The following GRIK2 variants were observed in gnomAD, a reference collection of about 807,000 sequenced individuals.
GRIK2 encodes the protein glutamate receptor ionotropic, kainate 2.
In GRIK2, 32 loss-of-function variants were observed where a neutral mutation model predicts 100.3. The ratio of observed to expected loss-of-function variants is 0.32; its 90% CI spans 0.24 to 0.43. GRIK2 has a LOEUF of 0.43. GRIK2 is among the 20% of genes least tolerant of loss of function. The pLI, the probability that GRIK2 is intolerant of heterozygous loss-of-function variation, is 1.00. For synonymous variants in GRIK2, 417 were observed against 389.4 expected (o/e 1.07, Z -0.83); for missense variants, 843 against 1,114.9 (o/e 0.76, Z 3.47).
At chr6:101,463,685 C>G (rs1407324163) in intron 2 of GRIK2, among the ~76,000 whole-genome samples, 1 of 152,066 alleles carries the variant, frequency 6.6e-6, no homozygotes, top group Non-Finnish European at 1.5e-5. Flanking sequence ...AAGACGTTGC[C>G]TCTATCCAAG....
chr6:101,952,560 A>T (rs1270685838), intron 14 of GRIK2, among the ~76,000 whole-genome samples: 2 of 152,162 alleles, frequency 1.3e-5, no homozygotes, highest in Admixed American at 6.5e-5. Flanking sequence ...TAAAGTAAAA[A>T]GTTCAAGAAT....
At chr6:101,774,733 T>A (rs1288884195) in intron 7 of GRIK2, among the ~76,000 whole-genome samples, 1 of 152,200 alleles carries the variant, frequency 6.6e-6, no homozygotes, top group East Asian at 1.9e-4. Flanking sequence ...AGAGTTTCTG[T>A]ACATGATGTT....
At chr6:101,453,347 T>G (rs940604889) in intron 2 of GRIK2, among the ~76,000 whole-genome samples, 1 of 151,978 alleles carries the variant, frequency 6.6e-6, no homozygotes, top group Non-Finnish European at 1.5e-5. Context: ...GCCTATATTA[T>G]CTGCTTTCTT....
chr6:101,436,442 A>G (rs1368922754), intron 2 of GRIK2, among the ~76,000 whole-genome samples: 3 of 152,048 alleles, frequency 2.0e-5, no homozygotes, highest in Non-Finnish European at 4.4e-5. Context: ...GTACTGAGAC[A>G]TTTAGCATTT....
At chr6:101,927,973 A>G (rs1401872582) in intron 13 of GRIK2, 3 of 162,876 alleles carry the variant, frequency 1.8e-5, no homozygotes, top group African/African-American at 7.2e-5. Flanking sequence ...CTACATGCAC[A>G]TGAAAAGTGA....
rs2128471654 is a variant in GRIK2 at position 101,928,593 on chromosome 6, T to C, written c.2046T>C (p.Tyr682=). 1 of 1,603,524 alleles carries C rather than the reference T, an allele frequency of 6.2e-7. No individual in the cohort carries two copies. Among genetic ancestry groups the C allele is most frequent in the East Asian group, 2.2e-5 (1 of 44,788 alleles). The change falls in exon 14 of 17, where the codon TAT becomes TAC. Residue 682 remains tyrosine, a synonymous_variant. Coordinates refer to ENST00000369134, the MANE Select transcript of GRIK2 (RefSeq NM_021956.5). ...TAGCTAAACAAACCAAGATAGAATA[T>C]GGAGCAGTAGAGGATGGTGCAACCA... ...DDLAKQTKIE[Y]GAVEDGATMT...
chr6:102,067,491 C>A (rs1035554020), intron 16 of GRIK2, among the ~76,000 whole-genome samples: 23 of 151,608 alleles, frequency 1.5e-4, no homozygotes, highest in Admixed American at 9.2e-4. Flanking sequence ...GTATCTCAAT[C>A]AGTTGGGGAG....
rs184134987 is a variant in GRIK2 at position 101,396,061 on chromosome 6, T to C, written c.-294+2224T>C. Among the ~76,000 whole-genome samples, 252 of 152,276 alleles carry C rather than the reference T, an allele frequency of 1.7e-3. 1 individual carries two copies. The highest frequency in any genetic ancestry group is 5.7e-3 in the African/African-American group (235 of 41,568). Reference sequence around the variant, plus strand: ...GAACTGACACAATTTTTAAAAGGGTTAAATCTAGTCAGTGAAATACTGTGT... The same window carrying C: ...GAACTGACACAATTTTTAAAAGGGTCAAATCTAGTCAGTGAAATACTGTGT... On this transcript the variant is annotated intron_variant, in intron 1 of 16. Transcript: ENST00000369134.
intron 10 of GRIK2, among the ~76,000 whole-genome samples, chr6:101,820,524 C>T (rs930594420): frequency 2.0e-5 from 3 of 152,184 alleles, no homozygotes; most frequent in African/African-American, 7.2e-5. Context: ...CGGCTCACTG[C>T]AAACTCCACC....
At chr6:101,586,620 G>A (rs74480105) in intron 2 of GRIK2, among the ~76,000 whole-genome samples, 1,610 of 152,026 alleles carry the variant, frequency 0.011, 26 homozygotes, top group African/African-American at 0.037. Flanking sequence ...CTGTAATCCA[G>A]CACTTTGAGG....
chr6:101,692,629 T>A (rs1220188771), intron 7 of GRIK2, among the ~76,000 whole-genome samples: 4 of 152,116 alleles, frequency 2.6e-5, no homozygotes, highest in African/African-American at 7.2e-5. Context: ...CTGAAAATTC[T>A]TGTTAAAATT....
intron 2 of GRIK2, among the ~76,000 whole-genome samples, chr6:101,551,089 C>T (rs1776489342): frequency 6.6e-6 from 1 of 152,176 alleles, no homozygotes; most frequent in African/African-American, 2.4e-5. Context: ...TCACTGTGAT[C>T]TCAAACTTCT....
intron 10 of GRIK2, among the ~76,000 whole-genome samples, chr6:101,835,951 T>G (rs888496635): frequency 1.4e-5 from 2 of 139,708 alleles, no homozygotes; most frequent in Non-Finnish European, 3.2e-5. Flanking sequence ...GCATTTTTCT[T>G]GAATTATTTT....
intron 2 of GRIK2, among the ~76,000 whole-genome samples, chr6:101,411,335 G>C (rs1313844805): frequency 2.0e-5 from 3 of 152,012 alleles, no homozygotes; most frequent in Admixed American, 2.0e-4. Flanking sequence ...CTAATCAGTG[G>C]TTCTCAAACT....
intron 7 of GRIK2, among the ~76,000 whole-genome samples, chr6:101,767,440 A>T (rs1228312381): frequency 6.6e-6 from 1 of 152,192 alleles, no homozygotes; most frequent in Non-Finnish European, 1.5e-5. Context: ...GATAAGATAT[A>T]CTTAATATGA....
At chr6:101,414,965 TGTGTGTGTGGTGTGTG>T (rs1776056851) in intron 2 of GRIK2, among the ~76,000 whole-genome samples, 1 of 144,868 alleles carries the variant, frequency 6.9e-6, no homozygotes, top group Non-Finnish European at 1.5e-5. Context: ...TGTGTGTGTA[TGTGTGTGTGGTGTGTG>T]GTGTGTATAT....
intron 2 of GRIK2, among the ~76,000 whole-genome samples, chr6:101,543,230 G>T (rs761427368): frequency 6.6e-6 from 1 of 152,146 alleles, no homozygotes. Flanking sequence ...AACACTTCTT[G>T]TTGGATTAAT....
chr6:101,421,311 A>G (rs905972620), intron 2 of GRIK2, among the ~76,000 whole-genome samples: 4 of 152,202 alleles, frequency 2.6e-5, no homozygotes, highest in Admixed American at 1.3e-4. Flanking sequence ...GCTACGCAGC[A>G]TGACATGGAG....
In GRIK2 at chr6:101,941,732, A is replaced by T. The variant is rs149711098; in HGVS notation, c.2085+13100A>T. 3.4e-3 allele frequency among the ~76,000 whole-genome samples: 519 copies of T among 152,282 alleles called. 2 individuals carry two copies. Among genetic ancestry groups the T allele is most frequent in the Middle Eastern group, 0.014 (4 of 294 alleles). ...TTGTAAAAATGAGATTAAAAGAAATATTGTAAATAAGCAAAAGATCTTTAA... is the reference window on the plus strand; with the variant it reads ...TTGTAAAAATGAGATTAAAAGAAATTTTGTAAATAAGCAAAAGATCTTTAA... On this transcript the variant is annotated intron_variant, in intron 14 of 16. Transcript: ENST00000369134.
Sources: gnomAD v4.1 joint callset for allele counts (sites outside exome capture counted in the v4.1 genomes callset) on GRCh38, gnomAD v4.1.1 for gene constraint, MANE v1.5 for transcripts, NCBI Gene and HGNC (gene_info 2026-07-23, HGNC 2026-07-21) for gene names.